The following SORL1 variants were observed in gnomAD, a reference collection of about 807,000 sequenced individuals.
SORL1 encodes the protein sortilin related receptor 1, also known as sortilin-related receptor.
SORL1 carries 127 observed loss-of-function variants against 273.7 expected under a neutral mutation model. That is an observed-to-expected ratio of 0.46 (90% CI 0.40 to 0.54). The LOEUF (loss-of-function observed/expected upper bound fraction) is 0.54, where lower values mean the gene tolerates loss of function less well. SORL1 is among the 20% of genes least tolerant of loss of function. The pLI is 0.00. For missense variants in SORL1, 2,494 were observed against 2,846.1 expected, an observed-to-expected ratio of 0.88 and a Z score of 2.81; for synonymous variants, 1,031 against 1,067.4, an observed-to-expected ratio of 0.97 and a Z score of 0.66.
chr11:121,514,127 TC>T, intron 7 of SORL1, 24 bp from the exon 8 acceptor site: 1 of 1,606,548 alleles, frequency 6.2e-7, no homozygotes, highest in Non-Finnish European at 8.5e-7. Context: ...TTTTGACGTA[TC>T]TTTTTTGACT....
rs1863209760 is a variant in SORL1 at position 121,591,214 on chromosome 11, G to A, written c.4369+58G>A. On this transcript the variant is annotated intron_variant, in intron 31 of 47. Coordinates refer to ENST00000260197, the MANE Select transcript of SORL1 (RefSeq NM_003105.6). ...CCTGCTATTGTGGAGAGGACCTTCTGGGGGTGTGCTCTGGGCACAATCCAA... is the reference window on the plus strand; with the variant it reads ...CCTGCTATTGTGGAGAGGACCTTCTAGGGGTGTGCTCTGGGCACAATCCAA... 4 of 1,582,782 alleles carry A rather than the reference G, an allele frequency of 2.5e-6. No individual in the cohort carries two copies. In the East Asian group the frequency reaches 6.7e-5, roughly 27 times the overall value.
At chr11:121,478,394 T>G (rs1861314962) in intron 3 of SORL1, 151 bp downstream of exon 3, 3 of 877,604 alleles carry the variant, frequency 3.4e-6, no homozygotes. Context: ...CCTGGGCATT[T>G]GTGACAGACT....
intron 12 of SORL1, among the ~76,000 whole-genome samples, chr11:121,540,858 G>T (rs1862337640): frequency 2.0e-5 from 3 of 152,344 alleles, no homozygotes; most frequent in South Asian, 4.1e-4. Context: ...CTCTTAAAGA[G>T]AATTAACTTG....
chr11:121,626,594 A>G (rs911277632), intron 46 of SORL1: 8 of 152,078 alleles, frequency 5.3e-5, no homozygotes, highest in Non-Finnish European at 1.0e-4. Context: ...ATGCCTGGGG[A>G]GTGACAGAGC....
At chr11:121,460,948 C>G (rs1040489211) in intron 1 of SORL1, among the ~76,000 whole-genome samples, 2 of 152,084 alleles carry the variant, frequency 1.3e-5, no homozygotes, top group Non-Finnish European at 2.9e-5. Flanking sequence ...CCCCAGGGAC[C>G]TGGGGAGAAA....
intron 18 of SORL1, among the ~76,000 whole-genome samples, chr11:121,556,529 T>C (rs1294500160): frequency 6.6e-6 from 1 of 152,190 alleles, no homozygotes; most frequent in Admixed American, 6.5e-5. Flanking sequence ...TTGCGTGTGG[T>C]CAGCACTTGG....
chr11:121,620,124 T>G (rs1235136998), intron 43 of SORL1, among the ~76,000 whole-genome samples: 1 of 152,234 alleles, frequency 6.6e-6, no homozygotes, highest in Non-Finnish European at 1.5e-5. Context: ...TATTCCTAGC[T>G]ACCATTTTGG....
intron 32 of SORL1, among the ~76,000 whole-genome samples, chr11:121,599,767 C>CTT (rs557045915): frequency 4.4e-4 from 64 of 146,678 alleles, no homozygotes; most frequent in Non-Finnish European, 2.4e-4. Context: ...CTGCTGTGTA[C>CTT]TTTTTTTTTT....
At chr11:121,567,815 AAGGGCAC>A (rs1862775570) in intron 22 of SORL1, among the ~76,000 whole-genome samples, 1 of 152,218 alleles carries the variant, frequency 6.6e-6, no homozygotes, top group Non-Finnish European at 1.5e-5. Flanking sequence ...GAACCCCTGC[AAGGGCAC>A]CTTGCCATGA....
chr11:121,550,503 T>A lies in SORL1; in HGVS notation c.2181-82T>A. On this transcript the variant is annotated intron_variant, in intron 15 of 47. Coordinates refer to ENST00000260197, the MANE Select transcript of SORL1 (RefSeq NM_003105.6). This position sits in a 1 kb window ranked among gnomAD's most constrained non-coding sequence, Gnocchi z 5.3. ...GTGGATGGACTCTACTGGCCGTGGG[T>A]AGTAAGTGTATTCCCAGCTGGGATG... 2 of 1,125,382 alleles carry A rather than the reference T, an allele frequency of 1.8e-6. No individual in the cohort carries two copies. The highest frequency in any genetic ancestry group is 2.5e-5 in the South Asian group (2 of 79,234). The allele number at this position is 1,125,382 out of a possible 1,614,324, so 69.7% of individuals were successfully genotyped here.
chr11:121,549,844 T>C (rs1591322474), intron 14 of SORL1, 116 bp from the exon 15 acceptor site: 7 of 781,972 alleles, frequency 9.0e-6, no homozygotes, highest in Non-Finnish European at 1.4e-5. Flanking sequence ...TAAAGGGACA[T>C]GTTAAATAAC....
chr11:121,567,010 C>G lies in SORL1; in HGVS notation c.3120C>G (p.Cys1040Trp). ...CLPKANNSRS[C>W]RCPEDVSSSV... The stretch of plus-strand genomic sequence containing the variant: ...CCAAGGCCAACAACAGTAGAAGCTG[C>G]AGGTGTCCAGAGGATGTGTCCAGCA... The change falls in exon 22 of 48, where the codon TGC becomes TGG. Residue 1040 changes from cysteine to tryptophan, a missense_variant. Cys to Trp is a radical substitution (Grantham distance 215). Coordinates refer to ENST00000260197, the MANE Select transcript of SORL1 (RefSeq NM_003105.6). The G allele has an allele frequency of 6.2e-7, 1 of 1,614,146 alleles. No individual in the cohort carries two copies. Among genetic ancestry groups the G allele is most frequent in the Non-Finnish European group, 8.5e-7 (1 of 1,179,994 alleles).
intron 11 of SORL1, among the ~76,000 whole-genome samples, chr11:121,526,296 T>A (rs1211804194): frequency 2.6e-5 from 4 of 152,202 alleles, no homozygotes; most frequent in Non-Finnish European, 5.9e-5. Flanking sequence ...TGGGTCTATT[T>A]CAGGTCTTTA....
At chr11:121,494,341 A>G (rs145579748) in intron 5 of SORL1, among the ~76,000 whole-genome samples, 1 of 152,356 alleles carries the variant, frequency 6.6e-6, no homozygotes, top group East Asian at 1.9e-4. Flanking sequence ...CTAGTCTCTC[A>G]GAATAATGAT....
At chr11:121,605,702 C>G in intron 35 of SORL1, 131 bp downstream of exon 35, 2 of 708,852 alleles carry the variant, frequency 2.8e-6, no homozygotes, top group Non-Finnish European at 4.8e-6. Flanking sequence ...GGTGGCTAAG[C>G]TTTATAGTCT....
chr11:121,577,223 A>G, intron 24 of SORL1, 58 bp from the exon 25 acceptor site: 1 of 1,540,526 alleles, frequency 6.5e-7, no homozygotes, highest in South Asian at 1.3e-5. Flanking sequence ...TTGACACCAG[A>G]GACAAAATTC....
In SORL1 at chr11:121,550,110, C is replaced by T; in HGVS notation, c.2180+22C>T. The T allele has an allele frequency of 1.9e-6, 3 of 1,608,264 alleles. No individual in the cohort carries two copies. The highest frequency in any genetic ancestry group is 1.1e-5 in the South Asian group (1 of 90,340). On this transcript the variant is annotated intron_variant, in intron 15 of 47. Coordinates refer to ENST00000260197, the MANE Select transcript of SORL1 (RefSeq NM_003105.6). This position sits in a 1 kb window ranked among gnomAD's most constrained non-coding sequence, Gnocchi z 5.3. ...GAGGGTATGTATCACAGAGGTTGCC[C>T]TGTCAGGTTCTCAGCGGTCCGCACA...
chr11:121,520,122 A>G (rs1242493961), intron 8 of SORL1, among the ~76,000 whole-genome samples: 4 of 152,144 alleles, frequency 2.6e-5, no homozygotes. Flanking sequence ...GCATAGTGGC[A>G]CACACCTGTA....
chr11:121,562,946 A>C (rs183440499), intron 21 of SORL1, among the ~76,000 whole-genome samples: 22 of 152,348 alleles, frequency 1.4e-4, no homozygotes, highest in Admixed American at 9.1e-4. Flanking sequence ...GGACTACTAT[A>C]TTAACCAAGT....
Sources: allele counts gnomAD v4.1 joint callset (sites outside exome capture counted in the v4.1 genomes callset), GRCh38; gene constraint gnomAD v4.1.1; non-coding constraint Gnocchi (gnomAD v3.1); transcripts MANE v1.5; gene names NCBI Gene and HGNC (gene_info 2026-07-23, HGNC 2026-07-21).